The following MARCHF2 variants were observed in gnomAD, a reference collection of about 807,000 sequenced individuals.
MARCHF2 encodes membrane associated ring-CH-type finger 2.
A neutral mutation model predicts 24.0 loss-of-function variants in MARCHF2; 22 were observed. That is an observed-to-expected ratio of 0.92 (90% CI 0.66 to 1.31). The LOEUF (loss-of-function observed/expected upper bound fraction) is 1.31, where lower values mean the gene tolerates loss of function less well. Ranked by LOEUF, MARCHF2 falls within the 50% of genes most tolerant of loss-of-function variation. The pLI, the probability that MARCHF2 is intolerant of heterozygous loss-of-function variation, is 0.00. For missense variants in MARCHF2, 301 were observed against 335.3 expected (o/e 0.90, Z 0.80); for synonymous variants, 154 against 153.0 (o/e 1.01, Z -0.05).
Position 8,431,928 on chromosome 19 carries a change from A to T in MARCHF2, c.582+1061A>T, listed in dbSNP as rs57537626. 6.4e-4 allele frequency among the ~76,000 whole-genome samples: 97 copies of T among 151,914 alleles called. 2 individuals are homozygous for T. In the South Asian group the frequency reaches 0.019, roughly 29 times the overall value. Reference sequence around the variant, plus strand: ...TCCCCATACTTTGGGAGGCTGAGGCAGGCGGATTCCTTGAGGTCAGGAGTT... The same window carrying T: ...TCCCCATACTTTGGGAGGCTGAGGCTGGCGGATTCCTTGAGGTCAGGAGTT... On this transcript the variant is annotated intron_variant, in intron 4 of 4. Transcript: ENST00000215555.
chr19:8,424,497 C>T lies in MARCHF2; in HGVS notation c.177-2112C>T, dbSNP rs953810616. Among the ~76,000 whole-genome samples the T allele has an allele frequency of 1.2e-4, 18 of 152,116 alleles. 1 individual carries two copies. The South Asian group carries it at 2.9e-3, about 25-fold the overall frequency. On this transcript the variant is annotated intron_variant, in intron 2 of 4. Transcript: ENST00000215555. ...CCTGGCTAACACGGTGAAACCCCGT[C>T]TCTACAAAAAATACAAAAAATTAGC...
At chr19:8,433,902 G>GAGACAGAC in intron 4 of MARCHF2, among the ~76,000 whole-genome samples, 1 of 150,246 alleles carries the variant, frequency 6.7e-6, no homozygotes, top group African/African-American at 2.5e-5. Context: ...AAGCCTGAAT[G>GAGACAGAC]AGAGACAGAC....
intron 1 of MARCHF2, among the ~76,000 whole-genome samples, chr19:8,414,296 GTC>G (rs1402748281): frequency 6.7e-6 from 1 of 150,142 alleles, no homozygotes; most frequent in African/African-American, 2.5e-5. Context: ...TTTAGACAGA[GTC>G]TCTCTCTCTT....
chr19:8,418,874 G>C (rs1036215052), intron 1 of MARCHF2: 1 of 152,004 alleles, frequency 6.6e-6, no homozygotes, highest in Non-Finnish European at 1.5e-5. Flanking sequence ...GACTTGGGGT[G>C]GGGGTGGGAA....
At position 8,430,683 on chromosome 19, in the gene MARCHF2, C is replaced by T. The variant is rs372931477; in HGVS notation, c.398C>T (p.Thr133Met). 8 of 1,609,610 alleles carry T rather than the reference C, an allele frequency of 5.0e-6. No homozygotes were observed. Among genetic ancestry groups the T allele is most frequent in the African/African-American group, 1.3e-5 (1 of 74,886 alleles). The change falls in exon 4 of 5, where the codon ACG becomes ATG. Residue 133 changes from threonine to methionine, a missense_variant. By Grantham distance (81) the Thr-to-Met change is moderately conservative (BLOSUM62 -1). Transcript: ENST00000215555. This position sits in a 1 kb window ranked among gnomAD's most constrained non-coding sequence, Gnocchi z 4.4. ...TGGCTGAAGGACCCGGGGCCGCGGACGGAGAAGCGGACACTGTGCTGCGAC... is the reference window on the plus strand; with the variant it reads ...TGGCTGAAGGACCCGGGGCCGCGGATGGAGAAGCGGACACTGTGCTGCGAC... ...TEWLKDPGPR[T>M]EKRTLCCDMV...
intron 1 of MARCHF2, 22 bp from the exon 2 acceptor site, chr19:8,421,767 C>T: frequency 1.4e-6 from 2 of 1,428,952 alleles, no homozygotes; most frequent in Admixed American, 2.2e-5. Context: ...TGCCCCTAAC[C>T]TCCGCACTGG....
intron 4 of MARCHF2, among the ~76,000 whole-genome samples, chr19:8,437,715 G>C (rs191984888): frequency 0.01 from 1,492 of 142,706 alleles, 27 homozygotes; most frequent in African/African-American, 0.039. Context: ...CGTTCTGGTT[G>C]CACGTTTTGG....
rs1281373669 is a variant in MARCHF2 at position 8,430,640 on chromosome 19, CT to C, written c.373-17del. On this transcript the variant is annotated splice_polypyrimidine_tract_variant and intron_variant, in intron 3 of 4. Transcript: ENST00000215555. The surrounding 1 kb of genome is among the most constrained non-coding windows in gnomAD (Gnocchi z 4.4). Reference sequence around the variant, plus strand: ...TTCTCTGCCCCCTCTCCTCTGCCCCCTATCCTCTCCCCTGCAGTGGCTGAAG... The same window carrying C: ...TTCTCTGCCCCCTCTCCTCTGCCCCCATCCTCTCCCCTGCAGTGGCTGAAG... 10 of 1,602,782 alleles carry C rather than the reference CT, an allele frequency of 6.2e-6. No homozygotes were observed. The East Asian group carries it at 1.1e-4, about 18-fold the overall frequency.
intron 2 of MARCHF2, among the ~76,000 whole-genome samples, chr19:8,426,283 A>G (rs1386254448): frequency 6.6e-6 from 1 of 150,888 alleles, no homozygotes; most frequent in Non-Finnish European, 1.5e-5. Context: ...TGTGCAGGAC[A>G]ATCAGGGTGG....
intron 2 of MARCHF2, among the ~76,000 whole-genome samples, chr19:8,425,862 G>A (rs1370634211): frequency 6.6e-6 from 1 of 151,390 alleles, no homozygotes; most frequent in Non-Finnish European, 1.5e-5. Flanking sequence ...TGATCCTCCT[G>A]CCTTGGCCTC....
chr19:8,423,734 T>G (rs1263537815), intron 2 of MARCHF2: 1 of 151,966 alleles, frequency 6.6e-6, no homozygotes, highest in Non-Finnish European at 1.5e-5. Context: ...GCGTGGTCGC[T>G]CATGCCTGTA....
chr19:8,435,516 A>G (rs1403030222), intron 4 of MARCHF2, among the ~76,000 whole-genome samples: 2 of 152,008 alleles, frequency 1.3e-5, no homozygotes, highest in Non-Finnish European at 1.5e-5. Context: ...CTTTAAAGCC[A>G]TAGTTCACAT....
chr19:8,432,275 A>G (rs1210974657), intron 4 of MARCHF2, among the ~76,000 whole-genome samples: 1 of 152,098 alleles, frequency 6.6e-6, no homozygotes, highest in Non-Finnish European at 1.5e-5. Flanking sequence ...CTGCAGTCCT[A>G]GCACACTGGG....
intron 3 of MARCHF2, among the ~76,000 whole-genome samples, chr19:8,428,931 G>A (rs146928767): frequency 0.043 from 6,455 of 151,540 alleles, 328 homozygotes; most frequent in African/African-American, 0.12. Context: ...GCGAAACTCC[G>A]TCTCAAAAAA....
chr19:8,436,334 C>A (rs984052999), intron 4 of MARCHF2, among the ~76,000 whole-genome samples: 1 of 151,974 alleles, frequency 6.6e-6, no homozygotes, highest in Non-Finnish European at 1.5e-5. Context: ...GGGGTTTCAC[C>A]ATGTTGGCCA....
Position 8,421,953 on chromosome 19 carries a change from C to T in MARCHF2, c.113C>T (p.Ala38Val), listed in dbSNP as rs1967258834. 6.2e-7 allele frequency: 1 copy of T among 1,613,758 alleles called. No homozygotes were observed. The highest frequency in any genetic ancestry group is 8.5e-7 in the Non-Finnish European group (1 of 1,179,892). ...ATGLGPPQYV[A>V]QVTSRDGRLL... ...GGCCTCGGACCGCCCCAGTATGTGG[C>T]ACAGGTGACTTCAAGGGATGGCCGG... is the stretch of plus-strand genomic sequence containing the variant. The change falls in exon 2 of 5, where the codon GCA (alanine) becomes GTA (valine). Residue 38 changes from alanine to valine, a missense_variant. Physicochemically the swap from Ala to Val is moderately conservative, Grantham distance 64 (BLOSUM62 0). Coordinates refer to ENST00000215555, the MANE Select transcript of MARCHF2 (RefSeq NM_001005415.2).
Position 8,430,956 on chromosome 19 carries a change from CG to C in MARCHF2, c.582+93del. 1 of 1,332,650 alleles carries C rather than the reference CG, an allele frequency of 7.5e-7. No individual in the cohort carries two copies. Among genetic ancestry groups the C allele is most frequent in the Non-Finnish European group, 1.0e-6 (1 of 979,476 alleles). The allele number at this position is 1,332,650 out of a possible 1,614,324, so 82.6% of individuals were successfully genotyped here. On this transcript the variant is annotated intron_variant, in intron 4 of 4. Transcript: ENST00000215555. This position sits in a 1 kb window ranked among gnomAD's most constrained non-coding sequence, Gnocchi z 4.4. ...GATTTGGCCCCTGGCTTGTGGGGCA[CG>C]GGGCTCCCTGGCTGCCTCTGTCTAT...
chr19:8,431,286 G>A (rs1252458590), intron 4 of MARCHF2, among the ~76,000 whole-genome samples: 1 of 149,802 alleles, frequency 6.7e-6, no homozygotes, highest in Non-Finnish European at 1.5e-5. Context: ...ATCACCTGAG[G>A]TAGGGAGTTC....
intron 3 of MARCHF2, among the ~76,000 whole-genome samples, chr19:8,428,454 C>G (rs1024293465): frequency 6.6e-6 from 1 of 151,420 alleles, no homozygotes; most frequent in African/African-American, 2.4e-5. Context: ...AGCCACTGCA[C>G]TCCAGCCTGG....
Sources: gnomAD v4.1 joint callset for allele counts (sites outside exome capture counted in the v4.1 genomes callset) on GRCh38, gnomAD v4.1.1 for gene constraint, Gnocchi (gnomAD v3.1) non-coding constraint, MANE v1.5 for transcripts, NCBI Gene and HGNC (gene_info 2026-07-23, HGNC 2026-07-21) for gene names.